The following CNTNAP2 variants were observed in gnomAD, a reference collection of about 807,000 sequenced individuals.
CNTNAP2 encodes contactin-associated protein-like 2.
In CNTNAP2, 98 loss-of-function variants were observed where a neutral mutation model predicts 155.2. The ratio of observed to expected loss-of-function variants is 0.63; its 90% confidence interval spans 0.54 to 0.75. The LOEUF (loss-of-function observed/expected upper bound fraction) is 0.75, where lower values mean the gene tolerates loss of function less well. CNTNAP2 is among the 30% of genes least tolerant of loss of function. The pLI is 0.00. For missense variants in CNTNAP2, 1,727 were observed against 1,688.1 expected (o/e 1.02, Z -0.40); for synonymous variants, 651 against 631.2 (o/e 1.03, Z -0.47).
At chr7:147,657,307 G>GA (rs1563041394) in intron 13 of CNTNAP2, among the ~76,000 whole-genome samples, 1 of 151,954 alleles carries the variant, frequency 6.6e-6, no homozygotes, top group Admixed American at 6.6e-5. Flanking sequence ...GACAGAGGCA[G>GA]AAAAAAATAA....
rs117427329 is a variant in CNTNAP2, at chr7:146,270,846, C to T, written c.97+153873C>T. Among the ~76,000 whole-genome samples, 59 of 152,112 alleles carry T rather than the reference C, an allele frequency of 3.9e-4. No homozygotes were observed. The East Asian group carries it at 9.8e-3, about 25-fold the overall frequency. On this transcript the variant is annotated intron_variant, in intron 1 of 23. Transcript: ENST00000361727. ...AATTTAACTTTTTAAATTTAAATAC[C>T]TTAAAGGGTCAATTATTGCAAAAGA... is the stretch of plus-strand genomic sequence containing the variant.
intron 3 of CNTNAP2, among the ~76,000 whole-genome samples, chr7:146,915,244 G>A (rs1796370432): frequency 6.6e-6 from 1 of 152,056 alleles, no homozygotes; most frequent in South Asian, 2.1e-4. Context: ...GTAGGGTAAT[G>A]TAATGCCTCT....
chr7:147,357,364 C>G (rs991801543), intron 9 of CNTNAP2, among the ~76,000 whole-genome samples: 3 of 152,182 alleles, frequency 2.0e-5, no homozygotes, highest in South Asian at 2.1e-4. Context: ...ACACAGCATT[C>G]TTAGCATTGT....
rs944162254 is a variant in CNTNAP2 at position 147,890,464 on chromosome 7, A to G, written c.2099-13101A>G. Reference sequence around the variant, plus strand: ...CTCAAAAAATAAAAATAGAACTCCCATATGATCCAGCCATCTCTCTACCTG... The same window carrying G: ...CTCAAAAAATAAAAATAGAACTCCCGTATGATCCAGCCATCTCTCTACCTG... On this transcript the variant is annotated intron_variant, in intron 13 of 23. Coordinates refer to ENST00000361727, the MANE Select transcript of CNTNAP2 (RefSeq NM_014141.6). Among the ~76,000 whole-genome samples, 6 of 152,214 alleles carry G rather than the reference A, an allele frequency of 3.9e-5. No homozygotes were observed. The South Asian group carries it at 8.3e-4, about 21-fold the overall frequency.
At chr7:146,707,323 A>C (rs551286744) in intron 1 of CNTNAP2, among the ~76,000 whole-genome samples, 1 of 152,188 alleles carries the variant, frequency 6.6e-6, no homozygotes, top group Admixed American at 6.5e-5. Context: ...TGTGATGGGC[A>C]TGGGGCCTCA....
At chr7:147,100,665 A>C (rs571447446) in intron 4 of CNTNAP2, among the ~76,000 whole-genome samples, 1 of 152,314 alleles carries the variant, frequency 6.6e-6, no homozygotes, top group South Asian at 2.1e-4. Context: ...GTAGCCTTAA[A>C]TCATGTATAA....
intron 8 of CNTNAP2, among the ~76,000 whole-genome samples, chr7:147,223,961 GAAAGAAAAAAGA>G (rs1232961000): frequency 5.4e-5 from 8 of 147,892 alleles, no homozygotes; most frequent in Non-Finnish European, 9.0e-5. Flanking sequence ...AAAAAAGAAA[GAAAGAAAAAAGA>G]AAAGAAAAAA....
chr7:148,099,518 A>G (rs1399067533), intron 15 of CNTNAP2, among the ~76,000 whole-genome samples: 2 of 150,360 alleles, frequency 1.3e-5, no homozygotes, highest in Admixed American at 6.7e-5. Context: ...TCACTTGTGG[A>G]TGGTACAACC....
intron 20 of CNTNAP2, among the ~76,000 whole-genome samples, chr7:148,261,690 C>T (rs1212137519): frequency 2.6e-5 from 4 of 152,008 alleles, no homozygotes; most frequent in South Asian, 4.2e-4. Context: ...ATAGCAATGG[C>T]GGTGGGGGTG....
chr7:146,530,135 C>A (rs1171052827), intron 1 of CNTNAP2, among the ~76,000 whole-genome samples: 1 of 152,128 alleles, frequency 6.6e-6, no homozygotes, highest in Non-Finnish European at 1.5e-5. Flanking sequence ...GGGGAAAGGA[C>A]TCCCTATTCA....
At chr7:147,725,839 A>G (rs1483883030) in intron 13 of CNTNAP2, among the ~76,000 whole-genome samples, 4 of 152,074 alleles carry the variant, frequency 2.6e-5, no homozygotes, top group Non-Finnish European at 5.9e-5. Context: ...GAGCTGCTAT[A>G]GGCCTCTTTT....
At chr7:147,240,152 C>CA (rs200587569) in intron 8 of CNTNAP2, among the ~76,000 whole-genome samples, 82 of 151,816 alleles carry the variant, frequency 5.4e-4, no homozygotes, top group East Asian at 4.6e-3. Flanking sequence ...GCCGTCTCTA[C>CA]AAAAAAAACA....
intron 1 of CNTNAP2, among the ~76,000 whole-genome samples, chr7:146,559,858 A>T: frequency 6.6e-6 from 1 of 152,090 alleles, no homozygotes; most frequent in Non-Finnish European, 1.5e-5. Flanking sequence ...ATACAAAAAA[A>T]ATGACACAAT....
At chr7:146,150,061 G>T (rs1251463997) in intron 1 of CNTNAP2, among the ~76,000 whole-genome samples, 1 of 152,086 alleles carries the variant, frequency 6.6e-6, no homozygotes, top group African/African-American at 2.4e-5. Context: ...ATATAAAGAT[G>T]TCATACGAAT....
intron 1 of CNTNAP2, among the ~76,000 whole-genome samples, chr7:146,571,136 C>T (rs926689891): frequency 2.6e-5 from 4 of 151,956 alleles, no homozygotes; most frequent in East Asian, 1.9e-4. Context: ...TTTGACTCAT[C>T]GGCTCTATTA....
chr7:146,934,929 G>A (rs1355390576), intron 3 of CNTNAP2, among the ~76,000 whole-genome samples: 1 of 152,186 alleles, frequency 6.6e-6, no homozygotes, highest in East Asian at 1.9e-4. Flanking sequence ...TCTGGAATTT[G>A]ACAAACTCAG....
intron 1 of CNTNAP2, among the ~76,000 whole-genome samples, chr7:146,567,865 C>T (rs533355800): frequency 1.4e-4 from 22 of 152,232 alleles, no homozygotes; most frequent in African/African-American, 4.3e-4. Context: ...GGACTACAGG[C>T]GCCCGCCACC....
chr7:147,690,764 T>C (rs1341524199), intron 13 of CNTNAP2, among the ~76,000 whole-genome samples: 1 of 152,150 alleles, frequency 6.6e-6, no homozygotes, highest in Non-Finnish European at 1.5e-5. Context: ...CAATTATCAT[T>C]GTATATTTGA....
At chr7:146,988,223 G>A (rs1343656191) in intron 3 of CNTNAP2, among the ~76,000 whole-genome samples, 1 of 151,998 alleles carries the variant, frequency 6.6e-6, no homozygotes, top group Non-Finnish European at 1.5e-5. Context: ...AATGAATAAA[G>A]TTTTAATGTA....
Sources: allele counts gnomAD v4.1 joint callset (sites outside exome capture counted in the v4.1 genomes callset), GRCh38; gene constraint gnomAD v4.1.1; transcripts MANE v1.5; gene names NCBI Gene and HGNC (gene_info 2026-07-23, HGNC 2026-07-21).